DIP2C: variants seen among roughly 807,000 people sequenced by gnomAD.
DIP2C encodes DIP2 acetate--CoA ligase C (putative), also known as disco-interacting protein 2 homolog C.
DIP2C carries 33 observed loss-of-function variants against 192.4 expected under a neutral mutation model. The ratio of observed to expected loss-of-function variants is 0.17; its 90% CI spans 0.13 to 0.23. The LOEUF (loss-of-function observed/expected upper bound fraction) is 0.23, where lower values mean the gene tolerates loss of function less well. DIP2C is among the 10% of genes least tolerant of loss of function. The pLI is 1.00. For synonymous variants in DIP2C, 979 were observed against 864.1 expected (o/e 1.13, Z -2.33); for missense variants, 1,537 against 2,110.1 (o/e 0.73, Z 5.32).
intron 4 of DIP2C, among the ~76,000 whole-genome samples, 169 bp from the exon 5 acceptor site, chr10:423,202 T>G (rs1966328891): frequency 6.6e-6 from 1 of 152,238 alleles, no homozygotes; most frequent in Non-Finnish European, 1.5e-5. Flanking sequence ...AAACCATTTA[T>G]TTTAGCATAA....
At chr10:536,235 G>C (rs1446014751) in intron 1 of DIP2C, among the ~76,000 whole-genome samples, 2 of 152,226 alleles carry the variant, frequency 1.3e-5, no homozygotes, top group Admixed American at 6.5e-5. Flanking sequence ...CCTTCACACA[G>C]CCCTTTTCTC....
chr10:632,043 T>C (rs7078091), intron 1 of DIP2C, among the ~76,000 whole-genome samples: 4,900 of 152,248 alleles, frequency 0.032, 165 homozygotes, highest in African/African-American at 0.079. Context: ...GGAACAGAGT[T>C]GAGATTGAAG....
In DIP2C at chr10:382,773, G is replaced by A; in HGVS notation, c.1877-12C>T. ...AGAAGAAATAGACCCTAGAGTGAAA[G>A]AGGGACAATGATCAGACAGCTGAAG... On this transcript the variant is annotated splice_polypyrimidine_tract_variant and intron_variant, in intron 16 of 36. Transcript: ENST00000280886. 5.1e-6 allele frequency: 8 copies of A among 1,574,206 alleles called. No individual in the cohort carries two copies. The highest frequency in any genetic ancestry group is 6.1e-6 in the Non-Finnish European group (7 of 1,149,398).
chr10:392,259 G>C (rs971201024), intron 10 of DIP2C, among the ~76,000 whole-genome samples: 1 of 152,226 alleles, frequency 6.6e-6, no homozygotes, highest in African/African-American at 2.4e-5. Context: ...TGCTGAGCCA[G>C]GAAGTGCCGG....
rs1453336335 is a variant in DIP2C, at chr10:276,583, ATAAAT to A, written c.*737_*741del. On this transcript the variant is annotated 3_prime_UTR_variant, in exon 37 of 37. Coordinates refer to ENST00000280886, the MANE Select transcript of DIP2C (RefSeq NM_014974.3). ...CTTTTATAGTTCTAAAGAGATCAAA[ATAAAT>A]TAAACGTTTTGTACATAATTACATA... The A allele has an allele frequency of 6.5e-6, 1 of 152,700 alleles. No individual in the cohort carries two copies. Among genetic ancestry groups the A allele is most frequent in the Non-Finnish European group, 1.5e-5 (1 of 68,062 alleles). The allele number at this position is 152,700 out of a possible 1,614,324, so 9.5% of individuals were successfully genotyped here.
At chr10:538,562 C>T (rs780748537) in intron 1 of DIP2C, among the ~76,000 whole-genome samples, 4 of 152,172 alleles carry the variant, frequency 2.6e-5, no homozygotes, top group East Asian at 1.9e-4. Context: ...AGGGTCTCAA[C>T]GTGGAAATGA....
Position 294,718 on chromosome 10 carries a change from TA to T in DIP2C, c.3987-6298del, listed in dbSNP as rs539487259. Among the ~76,000 whole-genome samples the T allele has an allele frequency of 4.9e-4, 74 of 152,112 alleles. 1 individual carries two copies. The highest frequency in any genetic ancestry group is 1.3e-3 in the African/African-American group (52 of 41,508). Reference sequence around the variant, plus strand: ...TCCATGACATTCACTTGCATCGAATTAAAAAAAAAATTTATTTTTGGGAACT... The same window carrying T: ...TCCATGACATTCACTTGCATCGAATTAAAAAAAAATTTATTTTTGGGAACT... On this transcript the variant is annotated intron_variant, in intron 32 of 36. Coordinates refer to ENST00000280886, the MANE Select transcript of DIP2C (RefSeq NM_014974.3).
At chr10:383,663 A>T (rs1962588925) in intron 16 of DIP2C, among the ~76,000 whole-genome samples, 1 of 151,472 alleles carries the variant, frequency 6.6e-6, no homozygotes, top group Admixed American at 6.6e-5. Flanking sequence ...CTTAGGGCTT[A>T]CTTCACTTCA....
intron 1 of DIP2C, among the ~76,000 whole-genome samples, chr10:541,762 T>G: frequency 6.7e-6 from 1 of 149,508 alleles, no homozygotes; most frequent in East Asian, 2.0e-4. Flanking sequence ...CCATCTCTCC[T>G]GGACCCCACA....
At position 344,851 on chromosome 10, in the gene DIP2C, G is replaced by A. The variant is rs774357371; in HGVS notation, c.3411C>T (p.Leu1137=). ...TCCCAGTTGTGGACACGCTGAAGTC[G>A]AGATATGCAAGAGTGTCTGGGTTGC... is the stretch of plus-strand genomic sequence containing the variant. The part of the protein sequence containing the change: ...KPCNPDTLAY[L]DFSVSTTGML... Residue 1137 remains leucine, a synonymous_variant, in exon 28 of 37, where the codon CTC becomes CTT. Coordinates refer to ENST00000280886, the MANE Select transcript of DIP2C (RefSeq NM_014974.3). 1.4e-5 allele frequency: 22 copies of A among 1,605,148 alleles called. No homozygotes were observed. Among genetic ancestry groups the A allele is most frequent in the Non-Finnish European group, 1.6e-5 (19 of 1,177,108 alleles).
intron 1 of DIP2C, among the ~76,000 whole-genome samples, chr10:576,661 C>T (rs541157867): frequency 2.6e-5 from 4 of 152,286 alleles, no homozygotes; most frequent in African/African-American, 7.2e-5. Context: ...ATAATCCCAG[C>T]ACTTTAGGAA....
At chr10:656,761 C>T (rs554618570) in intron 1 of DIP2C, among the ~76,000 whole-genome samples, 29 of 152,178 alleles carry the variant, frequency 1.9e-4, no homozygotes, top group African/African-American at 6.7e-4. Flanking sequence ...AGACGGCTGT[C>T]GGTGAATGGA....
chr10:572,207 C>T (rs1009319163), intron 1 of DIP2C, among the ~76,000 whole-genome samples: 11 of 152,354 alleles, frequency 7.2e-5, no homozygotes, highest in African/African-American at 2.2e-4. Context: ...AAGGATCACA[C>T]GTGTGCAGAC....
intron 24 of DIP2C, among the ~76,000 whole-genome samples, chr10:353,499 G>C (rs189084293): frequency 6.6e-6 from 1 of 151,398 alleles, no homozygotes; most frequent in Non-Finnish European, 1.5e-5. Context: ...AGCGACTCTC[G>C]TGCTTCCAGC....
At position 593,306 on chromosome 10, in the gene DIP2C, C is replaced by G. The variant is rs147712389; in HGVS notation, c.85+96188G>C. Among the ~76,000 whole-genome samples the G allele has an allele frequency of 3.4e-3, 514 of 152,280 alleles. 2 individuals are homozygous for G. The highest frequency in any genetic ancestry group is 0.012 in the African/African-American group (490 of 41,552). On this transcript the variant is annotated intron_variant, in intron 1 of 36. Transcript: ENST00000280886. ...CTTCAGAGCCTGCAAACACCCACGC[C>G]CAGTGTAACCCTAAGTCCACGTTTA...
intron 29 of DIP2C, among the ~76,000 whole-genome samples, chr10:333,967 G>C (rs1957624567): frequency 6.6e-6 from 1 of 152,148 alleles, no homozygotes; most frequent in East Asian, 1.9e-4. Flanking sequence ...TATCTATTCA[G>C]ATCTCTTGCC....
chr10:679,741 C>T (rs7068163), intron 1 of DIP2C, among the ~76,000 whole-genome samples: 6,114 of 151,094 alleles, frequency 0.04, 339 homozygotes, highest in African/African-American at 0.14. Flanking sequence ...CCACGCCCAT[C>T]TGTGCTCCCC....
chr10:544,020 G>A (rs767448732), intron 1 of DIP2C, among the ~76,000 whole-genome samples: 2 of 151,774 alleles, frequency 1.3e-5, no homozygotes, highest in African/African-American at 4.8e-5. Context: ...GACCTTTGAC[G>A]TGACCTTTGG....
chr10:511,155 G>A (rs1378198784), intron 1 of DIP2C, among the ~76,000 whole-genome samples: 3 of 152,152 alleles, frequency 2.0e-5, no homozygotes, highest in East Asian at 3.9e-4. Context: ...GAACATTCAC[G>A]CTGAACACAC....
Sources: gnomAD v4.1 joint callset for allele counts (sites outside exome capture counted in the v4.1 genomes callset) on GRCh38, gnomAD v4.1.1 for gene constraint, MANE v1.5 for transcripts, NCBI Gene and HGNC (gene_info 2026-07-23, HGNC 2026-07-21) for gene names.